The following PCSK6 variants were observed in gnomAD, a reference collection of about 807,000 sequenced individuals.
PCSK6 encodes the protein proprotein convertase subtilisin/kexin type 6.
Under a neutral mutation model 123.3 loss-of-function variants are expected in PCSK6, and 85 were observed. That is an observed-to-expected ratio of 0.69 (90% CI 0.58 to 0.83). The LOEUF (loss-of-function observed/expected upper bound fraction) is 0.83. PCSK6 is among the 40% of genes least tolerant of loss of function. PCSK6 has a pLI of 0.00. For synonymous variants in PCSK6, 508 were observed against 516.0 expected (o/e 0.98, Z 0.21); for missense variants, 1,191 against 1,282.3 (o/e 0.93, Z 1.09).
intron 1 of PCSK6, among the ~76,000 whole-genome samples, chr15:101,465,979 T>G (rs897121584): frequency 6.6e-6 from 1 of 152,058 alleles, no homozygotes; most frequent in Non-Finnish European, 1.5e-5. Flanking sequence ...CGGTAGATAC[T>G]GATCCAACAA....
intron 13 of PCSK6, among the ~76,000 whole-genome samples, chr15:101,357,420 C>A (rs1281892080): frequency 6.6e-6 from 1 of 152,230 alleles, no homozygotes; most frequent in Admixed American, 6.5e-5. Flanking sequence ...ACCAGCCCTG[C>A]ATTTTCCCGG....
chr15:101,459,000 G>A (rs928145944), intron 1 of PCSK6, among the ~76,000 whole-genome samples: 4 of 152,282 alleles, frequency 2.6e-5, no homozygotes, highest in East Asian at 1.9e-4. Flanking sequence ...CACGAGCCAC[G>A]TGTTCAGAGA....
chr15:101,411,403 C>T lies in PCSK6; in HGVS notation c.824-12827G>A, dbSNP rs117811992. ...GACGATGCCCTGGGAGCGGGGAGTCCGCCTCGCACCCTTCTCAGAAGAAAT... is the reference window on the plus strand; with the variant it reads ...GACGATGCCCTGGGAGCGGGGAGTCTGCCTCGCACCCTTCTCAGAAGAAAT... On this transcript the variant is annotated intron_variant, in intron 6 of 21. Coordinates refer to ENST00000611716, the MANE Select transcript of PCSK6 (RefSeq NM_002570.5). 4.4e-3 allele frequency among the ~76,000 whole-genome samples: 669 copies of T among 152,174 alleles called. 3 individuals carry two copies. In the East Asian group the frequency reaches 0.054, roughly 12 times the overall value.
At chr15:101,452,336 C>A (rs1055581799) in intron 1 of PCSK6, among the ~76,000 whole-genome samples, 2 of 152,212 alleles carry the variant, frequency 1.3e-5, no homozygotes, top group Non-Finnish European at 2.9e-5. Flanking sequence ...AAACTACAAT[C>A]CTGACTTTGA....
At chr15:101,419,560 G>C (rs1394265676) in intron 6 of PCSK6, among the ~76,000 whole-genome samples, 2 of 147,646 alleles carry the variant, frequency 1.4e-5, no homozygotes, top group Middle Eastern at 3.2e-3. Context: ...AATGGAACTT[G>C]ACAAGCAGAT....
intron 1 of PCSK6, among the ~76,000 whole-genome samples, chr15:101,482,784 TTCTGAGTCTGCTCC>T (rs1201452296): frequency 2.0e-5 from 2 of 100,098 alleles, no homozygotes; most frequent in East Asian, 6.0e-4. Context: ...TCAGTCCTGA[TTCTGAGTCTGCTCC>T]TGATTCTGAG....
chr15:101,486,856 GAGAA>G (rs2058031944), intron 1 of PCSK6, among the ~76,000 whole-genome samples: 1 of 152,224 alleles, frequency 6.6e-6, no homozygotes, highest in Non-Finnish European at 1.5e-5. Flanking sequence ...TAAGGGCTTG[GAGAA>G]AGAGTTTCAC....
At chr15:101,405,319 C>T (rs963769132) in intron 6 of PCSK6, among the ~76,000 whole-genome samples, 2 of 152,212 alleles carry the variant, frequency 1.3e-5, no homozygotes, top group African/African-American at 4.8e-5. Context: ...AGCTTGCTAA[C>T]GGACTGCTTT....
intron 1 of PCSK6, among the ~76,000 whole-genome samples, chr15:101,451,042 G>C (rs2057021200): frequency 6.6e-6 from 1 of 151,650 alleles, no homozygotes; most frequent in Admixed American, 6.6e-5. Context: ...CCTCACGAGG[G>C]GAAAGGCCTG....
chr15:101,352,137 A>ATT (rs56844456), intron 13 of PCSK6, among the ~76,000 whole-genome samples: 13,900 of 96,964 alleles, frequency 0.14, 2,065 homozygotes, highest in African/African-American at 0.23. Flanking sequence ...TATTTTTCTA[A>ATT]TTTTTTTTTT....
chr15:101,307,160 G>A (rs1168729159), intron 21 of PCSK6, 53 bp downstream of exon 21: 1 of 1,347,582 alleles, frequency 7.4e-7, no homozygotes, highest in Non-Finnish European at 1.1e-6. Context: ...AGCACGAGCT[G>A]GCCAGCTGAG....
At chr15:101,445,780 C>T (rs891971723) in intron 1 of PCSK6, among the ~76,000 whole-genome samples, 2 of 152,188 alleles carry the variant, frequency 1.3e-5, no homozygotes, top group Non-Finnish European at 2.9e-5. Context: ...CATGGAGGAA[C>T]GAAGAGTTGA....
intron 2 of PCSK6, among the ~76,000 whole-genome samples, chr15:101,437,345 G>A (rs1040023917): frequency 7.2e-5 from 11 of 152,228 alleles, no homozygotes; most frequent in African/African-American, 4.8e-5. Context: ...TCACCTAGGG[G>A]TGGGGCCGGG....
intron 13 of PCSK6, among the ~76,000 whole-genome samples, chr15:101,337,896 T>C (rs771013135): frequency 6.6e-6 from 1 of 152,256 alleles, no homozygotes; most frequent in Non-Finnish European, 1.5e-5. Flanking sequence ...TGATAGGTTA[T>C]GACAGAACGT....
chr15:101,483,320 T>C (rs1400323558), intron 1 of PCSK6, among the ~76,000 whole-genome samples: 1 of 152,218 alleles, frequency 6.6e-6, no homozygotes, highest in Non-Finnish European at 1.5e-5. Context: ...GCATGACAAT[T>C]TTCCTCTGCT....
chr15:101,403,188 G>A lies in PCSK6; in HGVS notation c.824-4612C>T, dbSNP rs1008441299. On this transcript the variant is annotated intron_variant, in intron 6 of 21. Transcript: ENST00000611716. ...TCGCAAGGACAAAAAACCAAACACCGCATGTTCTCACTCATAGGTGGGAAT... is the reference window on the plus strand; with the variant it reads ...TCGCAAGGACAAAAAACCAAACACCACATGTTCTCACTCATAGGTGGGAAT... 1.0e-4 allele frequency among the ~76,000 whole-genome samples: 15 copies of A among 146,410 alleles called. 1 individual carries two copies. Among genetic ancestry groups the A allele is most frequent in the South Asian group, 6.5e-4 (3 of 4,588 alleles).
intron 5 of PCSK6, among the ~76,000 whole-genome samples, chr15:101,429,450 C>T (rs72772622): frequency 0.15 from 22,323 of 152,110 alleles, 2,152 homozygotes; most frequent in Non-Finnish European, 0.21. Flanking sequence ...ACATCACTGG[C>T]CTGGACGAGC....
intron 10 of PCSK6, chr15:101,384,116 T>C (rs576014080): frequency 1.0e-6 from 1 of 985,352 alleles, no homozygotes; most frequent in Admixed American, 6.1e-5. Flanking sequence ...CCCCAGACTC[T>C]TGTGACCTGA....
At chr15:101,466,375 T>G (rs1210172395) in intron 1 of PCSK6, among the ~76,000 whole-genome samples, 1 of 152,160 alleles carries the variant, frequency 6.6e-6, no homozygotes, top group Non-Finnish European at 1.5e-5. Flanking sequence ...GATGAGGATG[T>G]GGTGACACTG....
Sources: gnomAD v4.1 joint callset for allele counts (sites outside exome capture counted in the v4.1 genomes callset) on GRCh38, gnomAD v4.1.1 for gene constraint, MANE v1.5 for transcripts, NCBI Gene and HGNC (gene_info 2026-07-23, HGNC 2026-07-21) for gene names.